PEBP4: variants seen among roughly 807,000 people sequenced by gnomAD.
PEBP4 encodes the protein phosphatidylethanolamine binding protein 4.
In PEBP4, 22 loss-of-function variants were observed where a neutral mutation model predicts 23.9. The observed-to-expected ratio is 0.92, with a 90% confidence interval of 0.66 to 1.31. The LOEUF is 1.31. PEBP4 is among the 40% of genes most tolerant of loss of function. The pLI, the probability that PEBP4 is intolerant of heterozygous loss-of-function variation, is 0.00. For missense variants in PEBP4, 324 were observed against 281.7 expected (o/e 1.15, Z -1.07); for synonymous variants, 112 against 99.3 (o/e 1.13, Z -0.76).
chr8:22,886,007 G>A (rs1808365451), intron 3 of PEBP4: 1 of 152,210 alleles, frequency 6.6e-6, no homozygotes, highest in African/African-American at 2.4e-5. Flanking sequence ...TACGGGTTAA[G>A]GAGGGAAGTT....
chr8:22,899,923 G>T (rs1057465966), intron 3 of PEBP4, among the ~76,000 whole-genome samples: 4 of 152,076 alleles, frequency 2.6e-5, no homozygotes, highest in African/African-American at 9.7e-5. Context: ...CTTCTCACCC[G>T]CAGTCAAGGT....
chr8:22,731,588 G>T (rs577665048), intron 4 of PEBP4, among the ~76,000 whole-genome samples: 63 of 147,440 alleles, frequency 4.3e-4, no homozygotes, highest in African/African-American at 1.4e-3. Flanking sequence ...TGACTTTGTT[G>T]GGGGTGGCAC....
intron 4 of PEBP4, among the ~76,000 whole-genome samples, chr8:22,778,388 T>C (rs1563213340): frequency 6.6e-6 from 1 of 151,426 alleles, no homozygotes; most frequent in Non-Finnish European, 1.5e-5. Flanking sequence ...GCTTGAACTT[T>C]TTTTTTTTTT....
upstream of PEBP4, among the ~76,000 whole-genome samples, chr8:22,932,044 C>T (rs915211853): frequency 4.6e-5 from 7 of 152,254 alleles, no homozygotes; most frequent in African/African-American, 1.7e-4. Flanking sequence ...CCTGCTCCCA[C>T]TCTACTCTCA....
chr8:22,739,522 T>G (rs182639061), intron 4 of PEBP4, among the ~76,000 whole-genome samples: 233 of 152,222 alleles, frequency 1.5e-3, no homozygotes, highest in African/African-American at 5.1e-3. Context: ...ACCAGACCTT[T>G]GCTCTCTAAC....
intron 3 of PEBP4, among the ~76,000 whole-genome samples, chr8:22,843,856 G>GA (rs1429628947): frequency 1.3e-5 from 2 of 152,208 alleles, no homozygotes; most frequent in African/African-American, 2.4e-5. Context: ...ACAGGAGTGA[G>GA]GCGATGCCCC....
At chr8:22,909,248 C>T (rs146058754) in intron 3 of PEBP4, among the ~76,000 whole-genome samples, 87 of 152,312 alleles carry the variant, frequency 5.7e-4, no homozygotes, top group Middle Eastern at 3.4e-3. Flanking sequence ...TGGGGAGCCA[C>T]ACCTAAGACG....
intron 3 of PEBP4, among the ~76,000 whole-genome samples, chr8:22,827,450 CT>C (rs1190919498): frequency 6.6e-6 from 1 of 152,150 alleles, no homozygotes; most frequent in African/African-American, 2.4e-5. Flanking sequence ...CTGTAATCTC[CT>C]TTTTGCCCTT....
intron 3 of PEBP4, among the ~76,000 whole-genome samples, chr8:22,837,886 T>C (rs1045887689): frequency 1.1e-4 from 16 of 145,796 alleles, no homozygotes; most frequent in Non-Finnish European, 1.5e-4. Context: ...TAGATTATTA[T>C]ATTCTTTTTT....
At chr8:22,856,393 C>A (rs1027470872) in intron 3 of PEBP4, among the ~76,000 whole-genome samples, 3 of 152,134 alleles carry the variant, frequency 2.0e-5, no homozygotes, top group African/African-American at 7.2e-5. Flanking sequence ...GGTTAACTTT[C>A]TTGGGGCAAA....
chr8:22,867,316 G>T (rs896471581), intron 3 of PEBP4, among the ~76,000 whole-genome samples: 1 of 152,126 alleles, frequency 6.6e-6, no homozygotes, highest in African/African-American at 2.4e-5. Context: ...TCGAGGATGG[G>T]CTGTTACCAT....
At chr8:22,715,612 C>G (rs1804400221) in intron 6 of PEBP4, among the ~76,000 whole-genome samples, 1 of 152,234 alleles carries the variant, frequency 6.6e-6, no homozygotes, top group African/African-American at 2.4e-5. Flanking sequence ...AGAGCGAGAG[C>G]TGGCTCCCCT....
At chr8:22,821,933 C>T (rs919765085) in intron 3 of PEBP4, among the ~76,000 whole-genome samples, 2 of 145,710 alleles carry the variant, frequency 1.4e-5, no homozygotes, top group African/African-American at 5.1e-5. Context: ...TGTAGTGAGC[C>T]GAGATCGCGC....
intron 3 of PEBP4, among the ~76,000 whole-genome samples, chr8:22,840,048 T>C (rs1807290315): frequency 6.6e-6 from 1 of 152,194 alleles, no homozygotes; most frequent in Non-Finnish European, 1.5e-5. Flanking sequence ...AAGACATTTG[T>C]TGGGGAAATT....
chr8:22,860,179 T>TATAC (rs1439372165), intron 3 of PEBP4, among the ~76,000 whole-genome samples: 23 of 84,590 alleles, frequency 2.7e-4, no homozygotes, highest in Admixed American at 4.6e-4. Context: ...TATATATATA[T>TATAC]ACACATATAT....
At chr8:22,859,994 A>C (rs1372432271) in intron 3 of PEBP4, among the ~76,000 whole-genome samples, 4 of 151,374 alleles carry the variant, frequency 2.6e-5, no homozygotes, top group Non-Finnish European at 4.4e-5. Flanking sequence ...GTGCACGCCT[A>C]AAGTCTCAGC....
intron 4 of PEBP4, among the ~76,000 whole-genome samples, chr8:22,804,066 A>G (rs551458756): frequency 1.3e-5 from 2 of 152,308 alleles, no homozygotes; most frequent in South Asian, 4.1e-4. Context: ...GGTGGCTCAC[A>G]TCTGCAGTCC....
intron 3 of PEBP4, among the ~76,000 whole-genome samples, chr8:22,905,856 C>T (rs1251544334): frequency 1.3e-5 from 2 of 152,180 alleles, no homozygotes; most frequent in African/African-American, 4.8e-5. Flanking sequence ...GAAAAAGGTA[C>T]ACCTCACGTG....
At position 22,852,208 on chromosome 8, in the gene PEBP4, G is replaced by C. The variant is rs138971150; in HGVS notation, c.259-34473C>G. On this transcript the variant is annotated intron_variant, in intron 3 of 6. Coordinates refer to ENST00000256404, the MANE Select transcript of PEBP4 (RefSeq NM_144962.3). Reference sequence around the variant, plus strand: ...TCTGTTGCTGGAGATTTGGTCTCTTGCCGATTTCTCTTCCCAATATTTAAT... The same window carrying C: ...TCTGTTGCTGGAGATTTGGTCTCTTCCCGATTTCTCTTCCCAATATTTAAT... Among the ~76,000 whole-genome samples, 3 of 152,224 alleles carry C rather than the reference G, an allele frequency of 2.0e-5. No homozygotes were observed. In the East Asian group the frequency reaches 5.8e-4, roughly 29 times the overall value.
Sources: allele counts gnomAD v4.1 joint callset (sites outside exome capture counted in the v4.1 genomes callset), GRCh38; gene constraint gnomAD v4.1.1; transcripts MANE v1.5; gene names NCBI Gene and HGNC (gene_info 2026-07-23, HGNC 2026-07-21).